ADAD1: variants seen among roughly 807,000 people sequenced by gnomAD.
ADAD1 encodes adenosine deaminase domain containing 1.
Under a neutral mutation model 66.8 loss-of-function variants are expected in ADAD1, and 46 were observed. That is an observed-to-expected ratio of 0.69 (90% CI 0.54 to 0.88). The LOEUF is 0.88. Among genes scored for constraint, ADAD1 ranks in the 40% least tolerant of loss-of-function variants. The pLI is 0.00. For synonymous variants in ADAD1, 248 were observed against 229.4 expected, an observed-to-expected ratio of 1.08 and a Z score of -0.73; for missense variants, 617 against 681.8, an observed-to-expected ratio of 0.91 and a Z score of 1.06.
intron 5 of ADAD1, among the ~76,000 whole-genome samples, chr4:122,387,212 C>G (rs927215816): frequency 6.6e-6 from 1 of 151,946 alleles, no homozygotes; most frequent in East Asian, 1.9e-4. Flanking sequence ...CTGTTATTTC[C>G]CCGAGCAGTG....
intron 11 of ADAD1, among the ~76,000 whole-genome samples, chr4:122,416,835 C>T (rs1796759735): frequency 6.6e-6 from 1 of 151,928 alleles, no homozygotes; most frequent in Non-Finnish European, 1.5e-5. Context: ...ATGAATTATA[C>T]TATTATCAAA....
intron 8 of ADAD1, 23 bp from the exon 9 acceptor site, chr4:122,411,199 C>T (rs1796449062): frequency 6.5e-7 from 1 of 1,545,372 alleles, no homozygotes; most frequent in Non-Finnish European, 8.8e-7. Flanking sequence ...TATTACTTGA[C>T]AAAATTATAA....
At chr4:122,413,240 C>T (rs1209987279) in intron 10 of ADAD1, among the ~76,000 whole-genome samples, 1 of 152,102 alleles carries the variant, frequency 6.6e-6, no homozygotes, top group African/African-American at 2.4e-5. Context: ...TGTACCCCAA[C>T]ATTATTTTAA....
chr4:122,426,729 AT>A (rs917453359), intron 12 of ADAD1, among the ~76,000 whole-genome samples: 4 of 152,340 alleles, frequency 2.6e-5, no homozygotes, highest in African/African-American at 9.6e-5. Context: ...CAAGTTTAAA[AT>A]TTGTATAATT....
rs575025883 is a variant in ADAD1 at position 122,429,651 on chromosome 4, C to T, written c.1643C>T (p.Ala548Val). The T allele has an allele frequency of 1.2e-6, 2 of 1,613,014 alleles. No individual in the cohort carries two copies. Among genetic ancestry groups the T allele is most frequent in the East Asian group, 4.5e-5 (2 of 44,786 alleles). The change falls in exon 13 of 13, where the codon GCT (alanine) becomes GTT (valine). Residue 548 changes from alanine to valine, a missense_variant. By Grantham distance (64) the Ala-to-Val change is moderately conservative. Coordinates refer to ENST00000296513, the MANE Select transcript of ADAD1 (RefSeq NM_139243.4). ...TGTATGTCTGCCTCCTATCAAGAAG[C>T]TAAATGTAAGTTGAAATCCTACTTA... Reference protein sequence around the residue: ...AKCMSASYQEAKCKLKSYLQQ... With the variant: ...AKCMSASYQEVKCKLKSYLQQ...
intron 5 of ADAD1, among the ~76,000 whole-genome samples, chr4:122,384,521 T>C (rs1455289314): frequency 6.6e-6 from 1 of 152,170 alleles, no homozygotes; most frequent in Non-Finnish European, 1.5e-5. Flanking sequence ...TGGTTGTCAT[T>C]AGGATTAGAT....
chr4:122,395,538 G>A (rs1248023846), intron 6 of ADAD1, among the ~76,000 whole-genome samples: 2 of 151,836 alleles, frequency 1.3e-5, no homozygotes, highest in East Asian at 2.0e-4. Flanking sequence ...AAAATTAGCC[G>A]GGCATGGTGG....
intron 7 of ADAD1, 109 bp downstream of exon 7, chr4:122,396,486 C>G (rs778827368): frequency 2.2e-6 from 2 of 911,924 alleles, no homozygotes; most frequent in Non-Finnish European, 3.0e-6. Context: ...TTTGAAGTGA[C>G]TTTTTCTAGT....
chr4:122,420,031 T>C (rs1472203085), intron 11 of ADAD1, among the ~76,000 whole-genome samples: 2 of 152,162 alleles, frequency 1.3e-5, no homozygotes, highest in African/African-American at 4.8e-5. Flanking sequence ...TTAATACATT[T>C]GGACAAGGGA....
intron 7 of ADAD1, among the ~76,000 whole-genome samples, chr4:122,403,481 G>A (rs1402173419): frequency 6.6e-6 from 1 of 152,214 alleles, no homozygotes; most frequent in Non-Finnish European, 1.5e-5. Context: ...TACACTGGCA[G>A]TGAAGTTGTC....
chr4:122,386,300 T>C (rs753039135), intron 5 of ADAD1, among the ~76,000 whole-genome samples: 8 of 152,238 alleles, frequency 5.3e-5, no homozygotes, highest in Non-Finnish European at 7.3e-5. Flanking sequence ...TCAGTGATAT[T>C]GAGCTTGCTT....
At position 122,408,006 on chromosome 4, in the gene ADAD1, G is replaced by A. The variant is rs200278158; in HGVS notation, c.823G>A (p.Val275Ile). Reference protein sequence around the residue: ...GRVLHDTHAVVTARRSLLRYF... With the variant: ...GRVLHDTHAVITARRSLLRYF... ...AGTATTGCATGACACTCATGCTGTT[G>A]TTACAGCAAGAAGGTCTCTTCTTAG... Residue 275 changes from valine to isoleucine, a missense_variant, in exon 8 of 13, where the codon GTT (valine) becomes ATT (isoleucine). Coordinates refer to ENST00000296513, the MANE Select transcript of ADAD1 (RefSeq NM_139243.4). 7 of 1,613,164 alleles carry A rather than the reference G, an allele frequency of 4.3e-6. No homozygotes were observed. Among genetic ancestry groups the A allele is most frequent in the Non-Finnish European group, 5.9e-6 (7 of 1,179,438 alleles).
At chr4:122,429,467 G>A (rs1448180322) in intron 12 of ADAD1, among the ~76,000 whole-genome samples, 159 bp from the exon 13 acceptor site, 1 of 151,780 alleles carries the variant, frequency 6.6e-6, no homozygotes, top group Non-Finnish European at 1.5e-5. Context: ...GGAGTGTTGG[G>A]AAGGAAATTT....
intron 12 of ADAD1, among the ~76,000 whole-genome samples, chr4:122,422,046 T>C (rs1797021036): frequency 6.6e-6 from 1 of 152,108 alleles, no homozygotes; most frequent in Non-Finnish European, 1.5e-5. Flanking sequence ...TATGTATCTG[T>C]TTAAAAATAA....
At chr4:122,394,694 T>A (rs1014189531) in intron 6 of ADAD1, among the ~76,000 whole-genome samples, 6 of 152,192 alleles carry the variant, frequency 3.9e-5, no homozygotes, top group Non-Finnish European at 8.8e-5. Context: ...TCTCTTAATA[T>A]GGGAAGAGGT....
intron 7 of ADAD1, among the ~76,000 whole-genome samples, chr4:122,398,266 T>C (rs1795807157): frequency 6.6e-6 from 1 of 152,058 alleles, no homozygotes; most frequent in Non-Finnish European, 1.5e-5. Flanking sequence ...TCCTCGTTAC[T>C]TCCCTTAGAA....
chr4:122,383,994 A>G (rs1366262229), intron 5 of ADAD1, 28 bp downstream of exon 5: 1 of 1,539,756 alleles, frequency 6.5e-7, no homozygotes. Flanking sequence ...TAAAGTATTT[A>G]TAAGAGGTAT....
intron 7 of ADAD1, among the ~76,000 whole-genome samples, chr4:122,404,083 C>T (rs777445598): frequency 2.6e-5 from 4 of 152,156 alleles, no homozygotes; most frequent in African/African-American, 4.8e-5. Flanking sequence ...AGATCTTGCA[C>T]GAGGAGGCTA....
Position 122,396,238 on chromosome 4 carries a change from T to C in ADAD1, c.599-14T>C, listed in dbSNP as rs892866629. On this transcript the variant is annotated splice_polypyrimidine_tract_variant and intron_variant, in intron 6 of 12. Coordinates refer to ENST00000296513, the MANE Select transcript of ADAD1 (RefSeq NM_139243.4). ...CACAATGTTCTTGAAATTTATGTTT[T>C]GATTTTTTTCTAGAAGGGAGACATA... is the stretch of plus-strand genomic sequence containing the variant. 1 of 1,560,436 alleles carries C rather than the reference T, an allele frequency of 6.4e-7. No homozygotes were observed. Among genetic ancestry groups the C allele is most frequent in the African/African-American group, 1.4e-5 (1 of 72,398 alleles).
Sources: allele counts gnomAD v4.1 joint callset (sites outside exome capture counted in the v4.1 genomes callset), GRCh38; gene constraint gnomAD v4.1.1; transcripts MANE v1.5; gene names NCBI Gene and HGNC (gene_info 2026-07-23, HGNC 2026-07-21).